LGSN: variants seen among roughly 807,000 people sequenced by gnomAD.
The protein encoded by LGSN is lengsin, lens protein with glutamine synthetase domain.
LGSN carries 21 observed loss-of-function variants against 19.5 expected under a neutral mutation model. The ratio of observed to expected loss-of-function variants is 1.07; its 90% CI spans 0.76 to 1.55. The LOEUF (loss-of-function observed/expected upper bound fraction) is 1.55, where lower values mean the gene tolerates loss of function less well. Ranked by LOEUF, LGSN falls within the 40% of genes most tolerant of loss-of-function variation. The pLI, the probability that LGSN is intolerant of heterozygous loss-of-function variation, is 0.00. For synonymous variants in LGSN, 257 were observed against 215.6 expected, an observed-to-expected ratio of 1.19 and a Z score of -1.68; for missense variants, 673 against 608.5, an observed-to-expected ratio of 1.11 and a Z score of -1.12.
the LGSN span, among the ~76,000 whole-genome samples, chr6:63,419,616 G>A: frequency 6.6e-6 from 1 of 151,926 alleles, no homozygotes; most frequent in Non-Finnish European, 1.5e-5. Flanking sequence ...CGGCCTGGCA[G>A]GGTGGCTCAC....
the LGSN span, among the ~76,000 whole-genome samples, chr6:63,538,881 ATATT>A: frequency 1.3e-5 from 2 of 151,984 alleles, no homozygotes; most frequent in South Asian, 4.1e-4. Context: ...AGAAGTAATA[ATATT>A]TATTTATTTA....
At chr6:63,504,603 C>G in the LGSN span, among the ~76,000 whole-genome samples, 1 of 152,100 alleles carries the variant, frequency 6.6e-6, no homozygotes, top group Non-Finnish European at 1.5e-5. Context: ...CCACCATGCC[C>G]GTCTAATTTT....
At chr6:63,459,379 T>C in the LGSN span, among the ~76,000 whole-genome samples, 2 of 152,180 alleles carry the variant, frequency 1.3e-5, no homozygotes, top group Non-Finnish European at 2.9e-5. Flanking sequence ...AAGTATATTA[T>C]AAATTAATTA....
chr6:63,412,498 G>GAAAGAAAGAAAC, the LGSN span, among the ~76,000 whole-genome samples: 116 of 86,902 alleles, frequency 1.3e-3, 4 homozygotes, highest in African/African-American at 6.5e-3. Context: ...AAGAAAGAAA[G>GAAAGAAAGAAAC]AAAGAAAGAA....
rs1310036988 is a variant in LGSN at position 63,280,990 on chromosome 6, A to G, written c.561T>C (p.Ile187=). The G allele has an allele frequency of 6.2e-7, 1 of 1,614,168 alleles. No individual in the cohort carries two copies. The highest frequency in any genetic ancestry group is 8.5e-7 in the Non-Finnish European group (1 of 1,180,014). ...GEPLLTSPRY[I]AKRQLSHLQA... The stretch of plus-strand genomic sequence containing the variant: ...GCAGATGGCTCAGCTGCCTCTTTGC[A>G]ATGTACCTTGGGGAAGTCAAAAGAG... Residue 187 remains isoleucine (I), a synonymous_variant, in exon 4 of 4, where the codon ATT becomes ATC. Coordinates refer to ENST00000370657, the MANE Select transcript of LGSN (RefSeq NM_016571.3).
At chr6:63,331,990 G>A in the LGSN span, among the ~76,000 whole-genome samples, 2 of 152,180 alleles carry the variant, frequency 1.3e-5, no homozygotes, top group Non-Finnish European at 2.9e-5. Context: ...CCCTGAGGGA[G>A]GGAAGGGATC....
At chr6:63,338,026 C>T in the LGSN span, among the ~76,000 whole-genome samples, 2 of 151,930 alleles carry the variant, frequency 1.3e-5, no homozygotes, top group Admixed American at 1.3e-4. Flanking sequence ...GCTGGGATTA[C>T]AGGTACACAC....
chr6:63,443,220 G>A, the LGSN span, among the ~76,000 whole-genome samples: 68 of 152,316 alleles, frequency 4.5e-4, 1 homozygote, highest in Non-Finnish European at 1.8e-4. Context: ...CGCCAGTGGC[G>A]CTGGCAGGCT....
chr6:63,464,310 A>G, the LGSN span, among the ~76,000 whole-genome samples: 4 of 152,114 alleles, frequency 2.6e-5, no homozygotes, highest in Non-Finnish European at 5.9e-5. Context: ...GACCTATTGC[A>G]TGTAACTGTT....
At chr6:63,476,009 G>A in the LGSN span, among the ~76,000 whole-genome samples, 1 of 152,216 alleles carries the variant, frequency 6.6e-6, no homozygotes, top group Non-Finnish European at 1.5e-5. Context: ...TTCAGATCAA[G>A]AGCCGAGTGG....
chr6:63,570,415 G>C, the LGSN span, among the ~76,000 whole-genome samples: 2 of 152,208 alleles, frequency 1.3e-5, no homozygotes, highest in African/African-American at 2.4e-5. Flanking sequence ...TACTTTCATA[G>C]TAGGATAAGA....
the LGSN span, among the ~76,000 whole-genome samples, chr6:63,416,111 T>C: frequency 2.0e-5 from 3 of 148,930 alleles, no homozygotes; most frequent in African/African-American, 7.7e-5. Flanking sequence ...CCAAGGGAGA[T>C]GCTTTTTTTT....
At chr6:63,374,353 T>C in the LGSN span, among the ~76,000 whole-genome samples, 1 of 152,234 alleles carries the variant, frequency 6.6e-6, no homozygotes, top group African/African-American at 2.4e-5. Flanking sequence ...TTGAAATAGT[T>C]GATACTCCTT....
the LGSN span, among the ~76,000 whole-genome samples, chr6:63,474,188 A>G: frequency 6.6e-6 from 1 of 152,228 alleles, no homozygotes; most frequent in Non-Finnish European, 1.5e-5. Context: ...AGTTCAACCC[A>G]GTAACTACCA....
the LGSN span, among the ~76,000 whole-genome samples, chr6:63,546,366 G>T: frequency 1.7e-3 from 261 of 152,300 alleles, 2 homozygotes; most frequent in African/African-American, 6.0e-3. Flanking sequence ...AATGGTGGTT[G>T]CCAGGGGCTG....
chr6:63,550,860 A>G, the LGSN span, among the ~76,000 whole-genome samples: 11 of 152,312 alleles, frequency 7.2e-5, no homozygotes, highest in South Asian at 1.4e-3. Context: ...TACTGACCTC[A>G]GGTGATCCGC....
At chr6:63,481,083 G>C in the LGSN span, among the ~76,000 whole-genome samples, 5 of 151,268 alleles carry the variant, frequency 3.3e-5, no homozygotes, top group Non-Finnish European at 7.4e-5. Flanking sequence ...AGATGAAGCT[G>C]GTGGCCATTA....
At chr6:63,399,351 C>A in the LGSN span, among the ~76,000 whole-genome samples, 1 of 151,708 alleles carries the variant, frequency 6.6e-6, no homozygotes, top group Admixed American at 6.6e-5. Flanking sequence ...TGACACATTT[C>A]TCAGAATATA....
chr6:63,364,547 G>T, the LGSN span, among the ~76,000 whole-genome samples: 1 of 152,106 alleles, frequency 6.6e-6, no homozygotes, highest in Non-Finnish European at 1.5e-5. Flanking sequence ...AGTTAACAAG[G>T]ATATCCAGGA....
Sources: gnomAD v4.1 joint callset for allele counts (sites outside exome capture counted in the v4.1 genomes callset) on GRCh38, gnomAD v4.1.1 for gene constraint, MANE v1.5 for transcripts, NCBI Gene and HGNC (gene_info 2026-07-23, HGNC 2026-07-21) for gene names.